CHCHD3: variants seen among roughly 807,000 people sequenced by gnomAD.
CHCHD3 encodes MICOS complex subunit MIC19.
CHCHD3 carries 20 observed loss-of-function variants against 38.2 expected under a neutral mutation model. That is an observed-to-expected ratio of 0.52 (90% CI 0.37 to 0.76). The LOEUF is 0.76. Among genes scored for constraint, CHCHD3 ranks in the 30% least tolerant of loss-of-function variants. CHCHD3 has a pLI of 0.00. For synonymous variants in CHCHD3, 82 were observed against 100.0 expected, an observed-to-expected ratio of 0.82 and a Z score of 1.07; for missense variants, 245 against 279.2, an observed-to-expected ratio of 0.88 and a Z score of 0.87.
rs71529781 is a variant in CHCHD3, at chr7:132,834,947, CATTTATTT to C, written c.524+3444_524+3451del. Among the ~76,000 whole-genome samples, 1,473 of 147,370 alleles carry C rather than the reference CATTTATTT, an allele frequency of 1.0e-2. 10 individuals are homozygous for C. The highest frequency in any genetic ancestry group is 0.028 in the African/African-American group (1,099 of 39,806). Reference sequence around the variant, plus strand: ...AATAGCAATTTCTTTTTTTTCCTCTCATTTATTTATTTATTTATTTATTTATTTATTTA... The same window carrying C: ...AATAGCAATTTCTTTTTTTTCCTCTCATTTATTTATTTATTTATTTATTTA... On this transcript the variant is annotated intron_variant, in intron 6 of 7. Transcript: ENST00000262570.
At chr7:132,814,039 G>T (rs1349946310) in intron 6 of CHCHD3, among the ~76,000 whole-genome samples, 2 of 152,228 alleles carry the variant, frequency 1.3e-5, no homozygotes, top group African/African-American at 4.8e-5. Flanking sequence ...TAAGCAGTGA[G>T]GGGAACTCAA....
intron 2 of CHCHD3, among the ~76,000 whole-genome samples, chr7:133,040,213 G>A (rs1813793976): frequency 6.6e-6 from 1 of 151,890 alleles, no homozygotes; most frequent in Non-Finnish European, 1.5e-5. Flanking sequence ...AGAGACCTCA[G>A]AGCAGAAGCC....
intron 4 of CHCHD3, among the ~76,000 whole-genome samples, chr7:132,929,728 A>T (rs891009476): frequency 3.9e-5 from 6 of 152,046 alleles, no homozygotes; most frequent in Non-Finnish European, 8.8e-5. Context: ...TTCTTGCCAT[A>T]CTCCATGACC....
intron 5 of CHCHD3, among the ~76,000 whole-genome samples, chr7:132,853,652 C>T (rs1183237930): frequency 6.6e-6 from 1 of 151,932 alleles, no homozygotes; most frequent in Non-Finnish European, 1.5e-5. Context: ...AACTACAATG[C>T]TCACTCTTTT....
chr7:132,959,735 A>G (rs979694711), intron 4 of CHCHD3, among the ~76,000 whole-genome samples: 24 of 151,626 alleles, frequency 1.6e-4, no homozygotes, highest in Non-Finnish European at 2.1e-4. Context: ...AAAAAAAAAA[A>G]AAAAAGAAAA....
At chr7:132,989,276 A>C (rs1359661064) in intron 3 of CHCHD3, among the ~76,000 whole-genome samples, 1 of 152,238 alleles carries the variant, frequency 6.6e-6, no homozygotes, top group Non-Finnish European at 1.5e-5. Flanking sequence ...AATGGCACTC[A>C]GAATTTAAGT....
intron 5 of CHCHD3, among the ~76,000 whole-genome samples, chr7:132,841,747 G>A (rs1181497435): frequency 1.3e-5 from 2 of 152,156 alleles, no homozygotes; most frequent in East Asian, 3.9e-4. Context: ...GCTTTGCTGG[G>A]TTGCTATATT....
intron 4 of CHCHD3, among the ~76,000 whole-genome samples, chr7:132,890,371 G>C (rs565053883): frequency 4.6e-5 from 7 of 152,290 alleles, no homozygotes; most frequent in African/African-American, 1.7e-4. Context: ...TGGGCTGATA[G>C]AAACTTTACC....
intron 2 of CHCHD3, among the ~76,000 whole-genome samples, chr7:133,042,773 TG>T: frequency 6.6e-6 from 1 of 152,374 alleles, no homozygotes; most frequent in South Asian, 2.1e-4. Context: ...GTAACTTGTA[TG>T]TTACATAAGT....
intron 4 of CHCHD3, among the ~76,000 whole-genome samples, chr7:132,917,050 G>T (rs1810124859): frequency 6.6e-6 from 1 of 152,170 alleles, no homozygotes; most frequent in African/African-American, 2.4e-5. Flanking sequence ...AAGTCTGAGT[G>T]CATGCAAATG....
At chr7:132,964,449 C>T (rs912985327) in intron 4 of CHCHD3, among the ~76,000 whole-genome samples, 2 of 152,080 alleles carry the variant, frequency 1.3e-5, no homozygotes, top group Admixed American at 6.5e-5. Context: ...GGCATGGAGG[C>T]GTGCACCTGT....
intron 3 of CHCHD3, among the ~76,000 whole-genome samples, chr7:133,013,696 G>A (rs1290076945): frequency 6.6e-6 from 1 of 151,864 alleles, no homozygotes; most frequent in Admixed American, 6.6e-5. Context: ...GTAGAAAAAA[G>A]CACGTTATAT....
At chr7:133,039,543 C>G (rs1201464231) in intron 2 of CHCHD3, among the ~76,000 whole-genome samples, 1 of 152,208 alleles carries the variant, frequency 6.6e-6, no homozygotes, top group Non-Finnish European at 1.5e-5. Flanking sequence ...CCAAAATACT[C>G]CAGCATAACT....
At chr7:133,034,782 T>G in intron 2 of CHCHD3, 1 of 1,613,306 alleles carries the variant, frequency 6.2e-7, no homozygotes, top group Non-Finnish European at 8.5e-7. Context: ...GGCAAGCTCC[T>G]GGCCTCGGAA....
chr7:132,836,874 C>T (rs983864810), intron 6 of CHCHD3, among the ~76,000 whole-genome samples: 2 of 152,162 alleles, frequency 1.3e-5, no homozygotes, highest in African/African-American at 4.8e-5. Context: ...TCAGAGTGCT[C>T]ATCTGGTCAA....
At chr7:132,875,548 G>C (rs1808874515) in intron 5 of CHCHD3, among the ~76,000 whole-genome samples, 1 of 152,074 alleles carries the variant, frequency 6.6e-6, no homozygotes, top group Non-Finnish European at 1.5e-5. Flanking sequence ...CTCTTGAAGG[G>C]ACAAAGGTAG....
chr7:132,829,477 C>T (rs1807586383), intron 6 of CHCHD3, among the ~76,000 whole-genome samples: 1 of 152,072 alleles, frequency 6.6e-6, no homozygotes, highest in African/African-American at 2.4e-5. Context: ...TGTTAGCTCA[C>T]ACAGAACGAA....
chr7:132,904,870 A>G (rs1459617051), intron 4 of CHCHD3, among the ~76,000 whole-genome samples: 5 of 152,204 alleles, frequency 3.3e-5, no homozygotes, highest in African/African-American at 1.2e-4. Context: ...GACTGGATTA[A>G]GAAAATGTGG....
At chr7:132,865,430 G>C (rs537411961) in intron 5 of CHCHD3, among the ~76,000 whole-genome samples, 2 of 152,340 alleles carry the variant, frequency 1.3e-5, no homozygotes, top group African/African-American at 4.8e-5. Context: ...GGGACTCAGT[G>C]CAAAGATGAC....
Sources: allele counts gnomAD v4.1 joint callset (sites outside exome capture counted in the v4.1 genomes callset), GRCh38; gene constraint gnomAD v4.1.1; transcripts MANE v1.5; gene names NCBI Gene and HGNC (gene_info 2026-07-23, HGNC 2026-07-21).